RTBDN: variants seen among roughly 807,000 people sequenced by gnomAD.
RTBDN encodes the protein retbindin.
Under a neutral mutation model 21.9 loss-of-function variants are expected in RTBDN, and 24 were observed. That is an observed-to-expected ratio of 1.10 (90% CI 0.79 to 1.54). RTBDN has a LOEUF of 1.54. Among genes scored for constraint, RTBDN ranks in the 40% most tolerant of loss-of-function variants. The pLI, the probability that RTBDN is intolerant of heterozygous loss-of-function variation, is 0.00. For missense variants in RTBDN, 325 were observed against 315.2 expected (o/e 1.03, Z -0.23); for synonymous variants, 141 against 125.9 (o/e 1.12, Z -0.80).
chr19:12,828,711 C>T lies in RTBDN; in HGVS notation c.311G>A (p.Arg104Gln), dbSNP rs147174126. The T allele has an allele frequency of 1.3e-3, 2,052 of 1,614,228 alleles. 6 individuals are homozygous for T. Among genetic ancestry groups the T allele is most frequent in the Middle Eastern group, 4.5e-3 (27 of 6,062 alleles). Residue 104 changes from arginine to glutamine, a missense_variant, in exon 4 of 6, where the codon CGG becomes CAG. Physicochemically the swap from Arg to Gln is conservative, Grantham distance 43. Coordinates refer to ENST00000674343, the MANE Select transcript of RTBDN (RefSeq NM_001270441.2). ...QRALRSRFRL[R>Q]LLGVRQAQPL... ...CTGTGCCTGGCGTACCCCCAATAGC[C>T]GCAGGCGGAAGCGACTGCGAAGGGC... is the stretch of plus-strand genomic sequence containing the variant.
chr19:12,830,629 G>T lies in RTBDN; in HGVS notation c.-18-632C>A. On this transcript the variant is annotated intron_variant, in intron 1 of 5. Transcript: ENST00000674343. This position sits in a 1 kb window ranked among gnomAD's most constrained non-coding sequence, Gnocchi z 4.2. ...CCCCTCACCTGTTGGCTGGATTGGGGTCTAGAGGCCGCTAAGACACCTCAG... is the reference window on the plus strand; with the variant it reads ...CCCCTCACCTGTTGGCTGGATTGGGTTCTAGAGGCCGCTAAGACACCTCAG... The T allele has an allele frequency of 1.0e-6, 1 of 985,618 alleles. No homozygotes were observed. The highest frequency in any genetic ancestry group is 1.2e-6 in the Non-Finnish European group (1 of 830,078). 61.1% of individuals were successfully genotyped at this position (985,618 alleles called of 1,614,324 possible).
In RTBDN at chr19:12,829,818, G is replaced by A; in HGVS notation, c.162C>T (p.His54=). The change falls in exon 2 of 6, where the codon CAC becomes CAT. Residue 54 remains histidine (H), a synonymous_variant. Coordinates refer to ENST00000674343, the MANE Select transcript of RTBDN (RefSeq NM_001270441.2). ...LAADLGKGKL[H]LAGPCCPSEM... is the part of the protein sequence containing the mutation. ...AGGGTCTGGGGTGCTCACCTGCCAG[G>A]TGCAGCTTGCCTTTGCCCAGATCAG... The A allele has an allele frequency of 6.2e-7, 1 of 1,610,110 alleles. No homozygotes were observed.
In RTBDN at chr19:12,830,878, G is replaced by A. The variant is rs904900069; in HGVS notation, c.-18-881C>T. On this transcript the variant is annotated intron_variant, in intron 1 of 5. Transcript: ENST00000674343. The surrounding 1 kb of genome is among the most constrained non-coding windows in gnomAD (Gnocchi z 4.2). ...GTGTGTGTGTATGTGTGTGAGGAAG[G>A]TGTGTTTGTGTGGCCTATAGCCTGT... Among the ~76,000 whole-genome samples the A allele has an allele frequency of 6.6e-6, 1 of 150,960 alleles. No individual in the cohort carries two copies. The highest frequency in any genetic ancestry group is 2.4e-5 in the African/African-American group (1 of 41,054).
intron 4 of RTBDN, among the ~76,000 whole-genome samples, chr19:12,827,944 T>G (rs1331342918): frequency 6.6e-6 from 1 of 151,354 alleles, no homozygotes; most frequent in African/African-American, 2.4e-5. Flanking sequence ...AATACAAAAT[T>G]TAGCCGGGCG....
intron 5 of RTBDN, 189 bp downstream of exon 5, chr19:12,826,586 C>T (rs1264097521): frequency 4.3e-6 from 3 of 697,502 alleles, no homozygotes; most frequent in East Asian, 3.0e-5. Flanking sequence ...CCCAGCTATT[C>T]GGGAGGTTGC....
intron 5 of RTBDN, chr19:12,826,158 G>C: frequency 7.3e-7 from 1 of 1,378,578 alleles, no homozygotes; most frequent in Non-Finnish European, 9.3e-7. Context: ...CAGTTGGGGG[G>C]CGCGCAGAGA....
rs1969529659 is a variant in RTBDN at position 12,830,523 on chromosome 19, C to G, written c.-18-526G>C. ...GTGTGGCAGGGCTCAGGTTCTGTCA[C>G]TGGGGCCCAAAGCCCCGAGGCAGGG... is the stretch of plus-strand genomic sequence containing the variant. On this transcript the variant is annotated intron_variant, in intron 1 of 5. Transcript: ENST00000674343. The surrounding 1 kb of genome is among the most constrained non-coding windows in gnomAD (Gnocchi z 4.2). 1.0e-6 allele frequency: 1 copy of G among 984,926 alleles called. No homozygotes were observed. Among genetic ancestry groups the G allele is most frequent in the Non-Finnish European group, 1.2e-6 (1 of 829,346 alleles). 61.0% of individuals were successfully genotyped at this position (984,926 alleles called of 1,614,324 possible). A position where few individuals can be genotyped will look rare whatever the true frequency, so the allele number is the denominator to read the frequency against.
intron 4 of RTBDN, among the ~76,000 whole-genome samples, chr19:12,828,324 A>G (rs1969403356): frequency 2.0e-5 from 3 of 151,892 alleles, no homozygotes; most frequent in Admixed American, 2.0e-4. Flanking sequence ...TGAACCCGGG[A>G]AGTGGAGGTT....
rs754094252 is a variant in RTBDN at position 12,825,694 on chromosome 19, G to A, written c.*12C>T. On this transcript the variant is annotated 3_prime_UTR_variant, in exon 6 of 6. Coordinates refer to ENST00000674343, the MANE Select transcript of RTBDN (RefSeq NM_001270441.2). ...GGAAGGGTCGCTCCCCCAACTCAGG[G>A]CCACGCGTCCGCTAGGGGCCGCTGC... 3 of 1,553,420 alleles carry A rather than the reference G, an allele frequency of 1.9e-6. No homozygotes were observed. Among genetic ancestry groups the A allele is most frequent in the Non-Finnish European group, 2.6e-6 (3 of 1,150,134 alleles).
chr19:12,831,080 G>C (rs562202824), intron 1 of RTBDN, among the ~76,000 whole-genome samples: 6 of 151,472 alleles, frequency 4.0e-5, no homozygotes, highest in Non-Finnish European at 7.4e-5. Context: ...TCTGGGGGAG[G>C]ATTGTGTGTC....
chr19:12,828,861 G>C lies in RTBDN; in HGVS notation c.254+8C>G. 1 of 1,614,240 alleles carries C rather than the reference G, an allele frequency of 6.2e-7. No homozygotes were observed. Among genetic ancestry groups the C allele is most frequent in the Non-Finnish European group, 8.5e-7 (1 of 1,180,042 alleles). On this transcript the variant is annotated splice_region_variant and intron_variant, in intron 3 of 5. Transcript: ENST00000674343. ...ACGCGAGAAAACGGTGGAGGGTGCTGTACTCACTCAGGGCTCGGCACTCCA... is the reference window on the plus strand; with the variant it reads ...ACGCGAGAAAACGGTGGAGGGTGCTCTACTCACTCAGGGCTCGGCACTCCA...
upstream of RTBDN, chr19:12,835,019 A>G (rs1969707252): frequency 2.5e-6 from 4 of 1,590,928 alleles, no homozygotes; most frequent in Non-Finnish European, 3.4e-6. Flanking sequence ...AAAGCCGAGA[A>G]TGGGCCCAGA....
chr19:12,828,585 A>G, intron 4 of RTBDN, 72 bp downstream of exon 4: 1 of 1,217,988 alleles, frequency 8.2e-7, no homozygotes, highest in East Asian at 2.4e-5. Context: ...ACAGAAGGCC[A>G]AGCAAACTGC....
chr19:12,829,194 CTTTT>C (rs142640807), intron 2 of RTBDN, among the ~76,000 whole-genome samples: 2 of 146,788 alleles, frequency 1.4e-5, no homozygotes, highest in East Asian at 4.0e-4. Context: ...AATCCTTTTC[CTTTT>C]TTTTTTTTCT....
At chr19:12,834,942 C>T (rs977209548), upstream of RTBDN, 78 of 1,556,360 alleles carry the variant, frequency 5.0e-5, no homozygotes, top group East Asian at 1.7e-3. This position sits in a 1 kb window ranked among gnomAD's most constrained non-coding sequence, Gnocchi z 4.7. Context: ...CAAGGCCCTG[C>T]CTGGGGTCTG....
upstream of RTBDN, chr19:12,835,410 T>C: frequency 2.8e-6 from 1 of 361,540 alleles, no homozygotes; most frequent in Non-Finnish European, 5.1e-6. Flanking sequence ...CCAGGTTGGG[T>C]CCGCGCCGTC....
In RTBDN at chr19:12,829,938, C is replaced by T; in HGVS notation, c.42G>A (p.Trp14Ter). ...TCCATGCCAAGGTCAGTTGCAGCAC[C>T]CACGTCAGGCCGATGGGTCGCATGT... Reference protein sequence around the residue: ...RVHMRPIGLTWVLQLTLAWIL... With the variant: ...RVHMRPIGLT Residue 14 changes from tryptophan to a stop codon, truncating the protein, a stop_gained, in exon 2 of 6, where the codon TGG becomes TGA. Transcript: ENST00000674343. LOFTEE classifies it high-confidence loss of function. 1.2e-6 allele frequency: 2 copies of T among 1,614,114 alleles called. No individual in the cohort carries two copies. The highest frequency in any genetic ancestry group is 1.7e-6 in the Non-Finnish European group (2 of 1,179,972).
chr19:12,830,373 C>T lies in RTBDN; in HGVS notation c.-18-376G>A. 2.0e-6 allele frequency: 2 copies of T among 1,001,990 alleles called. No homozygotes were observed. The highest frequency in any genetic ancestry group is 2.4e-6 in the Non-Finnish European group (2 of 840,924). The allele number at this position is 1,001,990 out of a possible 1,614,324, so 62.1% of individuals were successfully genotyped here. The stretch of plus-strand genomic sequence containing the variant: ...CCCCTCTCCTGTTCAGTAATTCCTC[C>T]CTCTCTTCTATGCGGCCTCCCTCCT... On this transcript the variant is annotated intron_variant, in intron 1 of 5. Transcript: ENST00000674343. The surrounding 1 kb of genome is among the most constrained non-coding windows in gnomAD (Gnocchi z 4.2).
chr19:12,826,014 T>A (rs1969282079), intron 5 of RTBDN, 81 bp from the exon 6 acceptor site: 1 of 1,450,124 alleles, frequency 6.9e-7, no homozygotes, highest in East Asian at 2.6e-5. Context: ...GAAAAATGTG[T>A]AAATTCCTTA....
Sources: allele counts gnomAD v4.1 joint callset (sites outside exome capture counted in the v4.1 genomes callset), GRCh38; gene constraint gnomAD v4.1.1; non-coding constraint Gnocchi (gnomAD v3.1); transcripts MANE v1.5; gene names NCBI Gene and HGNC (gene_info 2026-07-23, HGNC 2026-07-21).